Variants in SCYL3 observed in about 807,000 individuals in gnomAD.
SCYL3 encodes SCY1 like pseudokinase 3.
In SCYL3, 35 loss-of-function variants were observed where a neutral mutation model predicts 73.8. The observed-to-expected ratio is 0.47, with a 90% CI of 0.36 to 0.63. The LOEUF is 0.63. SCYL3 is among the 20% of genes least tolerant of loss of function. The probability of loss-of-function intolerance (pLI) is 0.00; values close to 1 mark genes in which losing one functional copy is unlikely to be tolerated. For missense variants in SCYL3, 712 were observed against 798.9 expected (o/e 0.89, Z 1.31); for synonymous variants, 277 against 295.2 (o/e 0.94, Z 0.63).
In SCYL3 at chr1:169,852,507, G is replaced by A. The variant is rs1212781191; in HGVS notation, c.*1206C>T. On this transcript the variant is annotated 3_prime_UTR_variant, in exon 13 of 13. Coordinates refer to ENST00000367771, the MANE Select transcript of SCYL3 (RefSeq NM_020423.7). ...ACTTGTTTATAAGACATGTAAGCTT[G>A]GACTATGCAGCACTTCTCATTGGGA... 9 of 417,934 alleles carry A rather than the reference G, an allele frequency of 2.2e-5. No homozygotes were observed. The highest frequency in any genetic ancestry group is 1.6e-4 in the Admixed American group (4 of 24,354). 25.9% of individuals were successfully genotyped at this position (417,934 alleles called of 1,614,324 possible). A position where few individuals can be genotyped will look rare whatever the true frequency, so the allele number is the denominator to read the frequency against.
In SCYL3 at chr1:169,850,358, C is replaced by A; in HGVS notation, c.*3355G>T. The A allele has an allele frequency of 6.5e-7, 1 of 1,545,196 alleles. No homozygotes were observed. The stretch of plus-strand genomic sequence containing the variant: ...CTTTCTGGAGAAGGTACTTTCTTTA[C>A]ATGGCTCATGTTTTATTCTTTGTCC... On this transcript the variant is annotated 3_prime_UTR_variant, in exon 13 of 13. Coordinates refer to ENST00000367771, the MANE Select transcript of SCYL3 (RefSeq NM_020423.7).
chr1:169,851,651 G>GTGAT lies in SCYL3; in HGVS notation c.*2058_*2061dup. Reference sequence around the variant, plus strand: ...ATTTTGTAAGGAAGAACACAGTAGAGTGATTTAATCCAGATTATACTAAGA... The same window carrying GTGAT: ...ATTTTGTAAGGAAGAACACAGTAGAGTGATTGATTTAATCCAGATTATACTAAGA... On this transcript the variant is annotated 3_prime_UTR_variant, in exon 13 of 13. Coordinates refer to ENST00000367771, the MANE Select transcript of SCYL3 (RefSeq NM_020423.7). The GTGAT allele has an allele frequency of 1.3e-6, 1 of 771,048 alleles. No homozygotes were observed. Among genetic ancestry groups the GTGAT allele is most frequent in the Non-Finnish European group, 2.1e-6 (1 of 485,270 alleles). 47.8% of individuals were successfully genotyped at this position (771,048 alleles called of 1,614,324 possible).
rs547450809 is a variant in SCYL3, at chr1:169,893,214, G to A, written c.-51+574C>T. On this transcript the variant is annotated intron_variant, in intron 1 of 12. Transcript: ENST00000367771. ...CATGGATTCCTGAATATGCTCTTCC[G>A]AGAAATGTTTCATCTTTATTCTAAA... Among the ~76,000 whole-genome samples, 5 of 152,270 alleles carry A rather than the reference G, an allele frequency of 3.3e-5. No homozygotes were observed. In the South Asian group the frequency reaches 8.3e-4, roughly 25 times the overall value.
At chr1:169,868,143 A>T (rs1660164455) in intron 7 of SCYL3, among the ~76,000 whole-genome samples, 1 of 152,234 alleles carries the variant, frequency 6.6e-6, no homozygotes, top group Non-Finnish European at 1.5e-5. Context: ...CTACTTATTT[A>T]ATAAGATTAC....
Position 169,853,086 on chromosome 1 carries a change from G to C in SCYL3, c.*627C>G, listed in dbSNP as rs3180650. 26 of 1,082,840 alleles carry C rather than the reference G, an allele frequency of 2.4e-5. No individual in the cohort carries two copies. Among genetic ancestry groups the C allele is most frequent in the Non-Finnish European group, 3.5e-5 (26 of 737,082 alleles). 67.1% of individuals were successfully genotyped at this position (1,082,840 alleles called of 1,614,324 possible). ...GATATAAAACAAATTTTGTAAAGTT[G>C]AATCTAGTGAAAATAATCTTTATTT... On this transcript the variant is annotated 3_prime_UTR_variant, in exon 13 of 13. Coordinates refer to ENST00000367771, the MANE Select transcript of SCYL3 (RefSeq NM_020423.7).
intron 8 of SCYL3, among the ~76,000 whole-genome samples, chr1:169,866,391 G>A (rs1359801746): frequency 1.3e-5 from 2 of 152,228 alleles, no homozygotes; most frequent in East Asian, 3.8e-4. Context: ...ACATTAATCT[G>A]TTTCACAGCC....
upstream of SCYL3, chr1:169,893,901 A>G (rs2102227442): frequency 6.6e-6 from 1 of 152,542 alleles, no homozygotes; most frequent in East Asian, 1.9e-4. Context: ...CACTACACCC[A>G]CAATCTTCTG....
At chr1:169,864,638 G>C in intron 8 of SCYL3, 130 bp from the exon 9 acceptor site, 1 of 975,848 alleles carries the variant, frequency 1.0e-6, no homozygotes, top group East Asian at 2.8e-5. Flanking sequence ...AGATAGAGAA[G>C]GTGAACAGAT....
intron 8 of SCYL3, among the ~76,000 whole-genome samples, chr1:169,866,675 T>A (rs1272996891): frequency 6.6e-6 from 1 of 152,220 alleles, no homozygotes; most frequent in Non-Finnish European, 1.5e-5. Context: ...AAAGCTCTAC[T>A]GTACCCACCT....
chr1:169,892,027 C>T (rs1235033776), intron 1 of SCYL3, among the ~76,000 whole-genome samples: 2 of 152,072 alleles, frequency 1.3e-5, no homozygotes, highest in Non-Finnish European at 2.9e-5. Context: ...GAAAGGATGC[C>T]ATTTTCTTGT....
At chr1:169,893,911 G>A (rs1470091998), upstream of SCYL3, 1 of 152,520 alleles carries the variant, frequency 6.6e-6, no homozygotes, top group Non-Finnish European at 1.5e-5. Flanking sequence ...ACAATCTTCT[G>A]GGGGCCGGGT....
intron 1 of SCYL3, among the ~76,000 whole-genome samples, chr1:169,893,417 G>T (rs1200449680): frequency 6.6e-6 from 1 of 151,974 alleles, no homozygotes; most frequent in Non-Finnish European, 1.5e-5. Flanking sequence ...CCTGCTTGCC[G>T]CGACCCCGCG....
chr1:169,852,333 A>G lies in SCYL3; in HGVS notation c.*1380T>C. On this transcript the variant is annotated 3_prime_UTR_variant, in exon 13 of 13. Transcript: ENST00000367771. ...CAGTAACTGAAGATCACATCTACTTATTAAAAGGCAGAATTTGACACCAAT... is the reference window on the plus strand; with the variant it reads ...CAGTAACTGAAGATCACATCTACTTGTTAAAAGGCAGAATTTGACACCAAT... 1 of 286,966 alleles carries G rather than the reference A, an allele frequency of 3.5e-6. No individual in the cohort carries two copies. Among genetic ancestry groups the G allele is most frequent in the Admixed American group, 5.0e-5 (1 of 20,096 alleles). 17.8% of individuals were successfully genotyped at this position (286,966 alleles called of 1,614,324 possible).
chr1:169,873,308 C>T (rs998759895), intron 5 of SCYL3, among the ~76,000 whole-genome samples: 5 of 152,174 alleles, frequency 3.3e-5, no homozygotes, highest in East Asian at 1.9e-4. Context: ...TTTCACCTTC[C>T]GCCATGATTG....
chr1:169,859,474 C>G (rs1659457564), intron 10 of SCYL3, among the ~76,000 whole-genome samples: 1 of 152,208 alleles, frequency 6.6e-6, no homozygotes, highest in Non-Finnish European at 1.5e-5. Context: ...TAAAATTACT[C>G]TGTCAAATTG....
chr1:169,867,992 A>T (rs1405641280), intron 7 of SCYL3, among the ~76,000 whole-genome samples: 3 of 152,200 alleles, frequency 2.0e-5, no homozygotes, highest in Admixed American at 2.0e-4. Flanking sequence ...CTTTGGAAAG[A>T]CTCTCATAAT....
intron 1 of SCYL3, among the ~76,000 whole-genome samples, chr1:169,892,185 T>C (rs1302261408): frequency 6.6e-6 from 1 of 152,244 alleles, no homozygotes; most frequent in Non-Finnish European, 1.5e-5. Context: ...GAGAATGTTT[T>C]GAAGCAGTAA....
At chr1:169,878,546 A>G in intron 3 of SCYL3, 88 bp downstream of exon 3, 1 of 1,117,832 alleles carries the variant, frequency 8.9e-7, no homozygotes, top group South Asian at 1.7e-5. Flanking sequence ...TTCTATGAAC[A>G]CCATAATTTA....
chr1:169,852,899 G>A lies in SCYL3; in HGVS notation c.*814C>T. On this transcript the variant is annotated 3_prime_UTR_variant, in exon 13 of 13. Transcript: ENST00000367771. ...GCAACTGAGTCACTACTCCAAAAGG[G>A]TCCTGCTCCAGCCTGGCTTTCAATG... 1.9e-6 allele frequency: 3 copies of A among 1,614,122 alleles called. No individual in the cohort carries two copies. The highest frequency in any genetic ancestry group is 1.7e-6 in the Non-Finnish European group (2 of 1,179,996).
Sources: allele counts gnomAD v4.1 joint callset (sites outside exome capture counted in the v4.1 genomes callset), GRCh38; gene constraint gnomAD v4.1.1; transcripts MANE v1.5; gene names NCBI Gene and HGNC (gene_info 2026-07-23, HGNC 2026-07-21).